Variants in IPP observed in about 807,000 individuals in gnomAD.
IPP encodes the protein actin-binding protein IPP.
A neutral mutation model predicts 64.1 loss-of-function variants in IPP; 41 were observed. The observed-to-expected ratio is 0.64, with a 90% CI of 0.50 to 0.83. IPP has a LOEUF of 0.83. Ranked by LOEUF, IPP falls within the 40% of genes least tolerant of loss-of-function variation. The pLI is 0.00. For synonymous variants in IPP, 214 were observed against 235.2 expected, an observed-to-expected ratio of 0.91 and a Z score of 0.83; for missense variants, 649 against 703.0, an observed-to-expected ratio of 0.92 and a Z score of 0.87.
At chr1:45,703,664 G>A (rs555074679) in intron 8 of IPP, among the ~76,000 whole-genome samples, 2 of 151,510 alleles carry the variant, frequency 1.3e-5, no homozygotes, top group Non-Finnish European at 3.0e-5. Context: ...CTTGAATATA[G>A]TTGACCAGGG....
intron 1 of IPP, among the ~76,000 whole-genome samples, chr1:45,749,526 T>TTTTTTGTTTTTTG (rs1646189769): frequency 7.5e-6 from 1 of 133,172 alleles, no homozygotes. Context: ...TTGTTTTTTG[T>TTTTTTGTTTTTTG]TTTTTTTTTT....
downstream of IPP, chr1:45,698,595 A>T (rs1237941664): frequency 1.4e-6 from 1 of 721,516 alleles, no homozygotes; most frequent in African/African-American, 1.9e-5. Flanking sequence ...GCTCTTACTT[A>T]GGTTTGCCCA....
intron 5 of IPP, among the ~76,000 whole-genome samples, chr1:45,720,501 C>A (rs972727077): frequency 2.0e-5 from 3 of 151,882 alleles, no homozygotes; most frequent in African/African-American, 2.4e-5. Flanking sequence ...CAAAAAAATC[C>A]ATTTTTTAAT....
In IPP at chr1:45,699,856, TG is replaced by T; in HGVS notation, c.*109del. The T allele has an allele frequency of 2.6e-6, 4 of 1,511,550 alleles. No homozygotes were observed. In the South Asian group the frequency reaches 4.0e-5, roughly 15 times the overall value. The allele number at this position is 1,511,550 out of a possible 1,614,324, so 93.6% of individuals were successfully genotyped here. Reference sequence around the variant, plus strand: ...GTTAGTCATTTATCTACCAAATACATGGAAAACTCACAGAATCAGAGGGTCT... The same window carrying T: ...GTTAGTCATTTATCTACCAAATACATGAAAACTCACAGAATCAGAGGGTCT... On this transcript the variant is annotated 3_prime_UTR_variant, in exon 9 of 9. Coordinates refer to ENST00000396478, the MANE Select transcript of IPP (RefSeq NM_005897.3).
At chr1:45,707,142 G>C (rs760209139) in intron 8 of IPP, among the ~76,000 whole-genome samples, 16 of 152,132 alleles carry the variant, frequency 1.1e-4, no homozygotes, top group Admixed American at 2.0e-4. Flanking sequence ...AAAGACTTTA[G>C]GCTGGGCACA....
intron 5 of IPP, among the ~76,000 whole-genome samples, chr1:45,726,928 G>T (rs1186201412): frequency 6.6e-6 from 1 of 152,098 alleles, no homozygotes; most frequent in Non-Finnish European, 1.5e-5. Flanking sequence ...GTTTCACCAT[G>T]TTGGCCAGGC....
At chr1:45,746,532 G>T in intron 1 of IPP, 71 bp from the exon 2 acceptor site, 1 of 650,238 alleles carries the variant, frequency 1.5e-6, no homozygotes, top group Non-Finnish European at 2.7e-6. Flanking sequence ...CACATAAGAA[G>T]CATTCTCTAT....
Position 45,714,258 on chromosome 1 carries a change from A to G in IPP, c.1518T>C (p.Tyr506=). 1.2e-6 allele frequency: 2 copies of G among 1,611,488 alleles called. No homozygotes were observed. Among genetic ancestry groups the G allele is most frequent in the African/African-American group, 2.7e-5 (2 of 75,004 alleles). Residue 506 remains tyrosine (Y), a synonymous_variant, in exon 8 of 9, where the codon TAT becomes TAC. Coordinates refer to ENST00000396478, the MANE Select transcript of IPP (RefSeq NM_005897.3). The part of the protein sequence containing the change: ...TQDALHTVEK[Y]SFEEEKWVEV... ...TCATCCAACCTACCTCTTCAAAGGA[A>G]TATTTTTCTACAGTATGAAGAGCAT...
At chr1:45,708,387 A>C (rs1645543409) in intron 8 of IPP, among the ~76,000 whole-genome samples, 2 of 150,914 alleles carry the variant, frequency 1.3e-5, no homozygotes. Flanking sequence ...GATAAAAAAA[A>C]GCAACCTAGG....
chr1:45,740,147 A>G (rs547809969), intron 3 of IPP, among the ~76,000 whole-genome samples: 1 of 152,354 alleles, frequency 6.6e-6, no homozygotes, highest in South Asian at 2.1e-4. Flanking sequence ...GGGTAAGGTC[A>G]TAGATCAACA....
At chr1:45,704,764 T>C (rs1034073236) in intron 8 of IPP, among the ~76,000 whole-genome samples, 7 of 152,166 alleles carry the variant, frequency 4.6e-5, no homozygotes, top group Admixed American at 2.0e-4. Context: ...AGGTAGAAGG[T>C]GGTGAATCAA....
At chr1:45,742,105 A>G (rs918682440) in intron 2 of IPP, among the ~76,000 whole-genome samples, 1 of 152,216 alleles carries the variant, frequency 6.6e-6, no homozygotes, top group African/African-American at 2.4e-5. Flanking sequence ...TTCTAAGCAA[A>G]TTAACACAAG....
chr1:45,710,943 C>A lies in IPP; in HGVS notation c.1530+3303G>T, dbSNP rs1184193816. On this transcript the variant is annotated intron_variant, in intron 8 of 8. Transcript: ENST00000396478. ...CTAAGACAGGAGAATTGCTTGAACC[C>A]GGGAGGCGGAGGTTGCAGTGAGCTG... 3.9e-5 allele frequency among the ~76,000 whole-genome samples: 2 copies of A among 51,144 alleles called. 1 individual carries two copies. Among genetic ancestry groups the A allele is most frequent in the Non-Finnish European group, 7.7e-5 (2 of 26,104 alleles). The allele number at this position is 51,144 out of a possible 152,430, so 33.6% of individuals were successfully genotyped here.
intron 7 of IPP, 91 bp from the exon 8 acceptor site, chr1:45,714,557 C>A: frequency 2.6e-6 from 2 of 772,118 alleles, no homozygotes; most frequent in South Asian, 3.1e-5. Flanking sequence ...TTTCCAATGC[C>A]GATGCTATGT....
chr1:45,740,961 C>T lies in IPP; in HGVS notation c.664G>A (p.Val222Met), dbSNP rs1646055595. The change falls in exon 3 of 9, where the codon GTG becomes ATG. Residue 222 changes from valine to methionine, a missense_variant. Transcript: ENST00000396478. ...LGKRRKHVVE[V>M]LDPIRFPLLP... ...AAAGGGAATCGAATTGGGTCTAGCA[C>T]TTCCACCACATGTTTTCTTCTTTTT... 1.2e-6 allele frequency: 2 copies of T among 1,613,686 alleles called. No homozygotes were observed. Among genetic ancestry groups the T allele is most frequent in the East Asian group, 4.5e-5 (2 of 44,872 alleles).
At chr1:45,747,107 C>CGCGCGCACACGA (rs1553194437) in intron 1 of IPP, among the ~76,000 whole-genome samples, 1 of 149,956 alleles carries the variant, frequency 6.7e-6, no homozygotes, top group African/African-American at 2.4e-5. Flanking sequence ...TGCGCGCATG[C>CGCGCGCACACGA]GCGCGCACAC....
At chr1:45,726,357 C>G (rs1302492689) in intron 5 of IPP, among the ~76,000 whole-genome samples, 1 of 151,982 alleles carries the variant, frequency 6.6e-6, no homozygotes, top group Non-Finnish European at 1.5e-5. Flanking sequence ...ACAGAGGAGG[C>G]TGAGGCAGGA....
intron 3 of IPP, among the ~76,000 whole-genome samples, chr1:45,735,181 T>A (rs1645961016): frequency 1.3e-5 from 2 of 151,960 alleles, no homozygotes; most frequent in South Asian, 4.2e-4. Context: ...CCTCCTGGGT[T>A]CAAGTGATTC....
At position 45,708,238 on chromosome 1, in the gene IPP, GTACTTT is replaced by G. The variant is rs201220664; in HGVS notation, c.1530+6002_1530+6007del. Among the ~76,000 whole-genome samples the G allele has an allele frequency of 7.7e-3, 1,170 of 151,516 alleles. 20 individuals carry two copies. The highest frequency in any genetic ancestry group is 8.4e-3 in the Non-Finnish European group (569 of 67,778). ...AGCCACCACGCCCAGCTCATTTTTT[GTACTTT>G]TAGCAGAGACAGGGTTTCACTGTGT... On this transcript the variant is annotated intron_variant, in intron 8 of 8. Transcript: ENST00000396478.
Sources: gnomAD v4.1 joint callset for allele counts (sites outside exome capture counted in the v4.1 genomes callset) on GRCh38, gnomAD v4.1.1 for gene constraint, MANE v1.5 for transcripts, NCBI Gene and HGNC (gene_info 2026-07-23, HGNC 2026-07-21) for gene names.